The following ADAMTS8 variants were observed in gnomAD, a reference collection of about 807,000 sequenced individuals.
The protein encoded by ADAMTS8 is A disintegrin and metalloproteinase with thrombospondin motifs 8.
Under a neutral mutation model 64.4 loss-of-function variants are expected in ADAMTS8, and 50 were observed. The observed-to-expected ratio is 0.78, with a 90% CI of 0.62 to 0.98. The LOEUF (loss-of-function observed/expected upper bound fraction) is 0.98. Ranked by LOEUF, ADAMTS8 falls within the 50% of genes least tolerant of loss-of-function variation. The pLI is 0.00. For missense variants in ADAMTS8, 1,192 were observed against 1,208.2 expected (o/e 0.99, Z 0.20); for synonymous variants, 556 against 533.6 (o/e 1.04, Z -0.58).
Position 130,411,775 on chromosome 11 carries a change from G to T in ADAMTS8, c.1567-175C>A. 1 of 669,196 alleles carries T rather than the reference G, an allele frequency of 1.5e-6. No individual in the cohort carries two copies. The highest frequency in any genetic ancestry group is 4.1e-4 in the Middle Eastern group (1 of 2,448). The allele number at this position is 669,196 out of a possible 1,614,324, so 41.5% of individuals were successfully genotyped here. A position where few individuals can be genotyped will look rare whatever the true frequency, so the allele number is the denominator to read the frequency against. ...ATGACTGTGTGGCCTGCATGGCTTT[G>T]TGAGCACAGAGACCAGGCTGGACTC... On this transcript the variant is annotated intron_variant, in intron 5 of 8. Transcript: ENST00000257359. This position sits in a 1 kb window ranked among gnomAD's most constrained non-coding sequence, Gnocchi z 4.2.
intron 2 of ADAMTS8, 121 bp downstream of exon 2, chr11:130,418,932 G>T: frequency 6.7e-7 from 1 of 1,488,558 alleles, no homozygotes; most frequent in Non-Finnish European, 9.1e-7. Context: ...ATGAGGCTCT[G>T]GCGTCCAGCT....
chr11:130,419,889 G>A (rs566918502), intron 1 of ADAMTS8, among the ~76,000 whole-genome samples: 1 of 152,150 alleles, frequency 6.6e-6, no homozygotes, highest in East Asian at 1.9e-4. Context: ...TACTCTTTGG[G>A]GGGGGATTTG....
At chr11:130,419,796 G>T (rs1265387408) in intron 1 of ADAMTS8, among the ~76,000 whole-genome samples, 3 of 152,150 alleles carry the variant, frequency 2.0e-5, no homozygotes, top group Non-Finnish European at 4.4e-5. Context: ...CAGCCCAGAA[G>T]CAAAGTTCTG....
At chr11:130,423,871 C>T (rs1279220196) in intron 1 of ADAMTS8, among the ~76,000 whole-genome samples, 2 of 152,220 alleles carry the variant, frequency 1.3e-5, no homozygotes, top group Admixed American at 1.3e-4. Context: ...GTGGTCCCTC[C>T]TTTCAGAAAG....
Position 130,428,500 on chromosome 11 carries a change from C to T in ADAMTS8, c.-214G>A. 2 of 964,140 alleles carry T rather than the reference C, an allele frequency of 2.1e-6. No homozygotes were observed. Among genetic ancestry groups the T allele is most frequent in the Non-Finnish European group, 2.5e-6 (2 of 810,406 alleles). The allele number at this position is 964,140 out of a possible 1,614,324, so 59.7% of individuals were successfully genotyped here. A position where few individuals can be genotyped will look rare whatever the true frequency, so the allele number is the denominator to read the frequency against. ...CCCGCTCCTCCCGCGCCGCCGCCCC[C>T]GAGCCGAGCGCGAGCAGCTGGCCCC... On this transcript the variant is annotated 5_prime_UTR_variant, in exon 1 of 9. Coordinates refer to ENST00000257359, the MANE Select transcript of ADAMTS8 (RefSeq NM_007037.6).
Position 130,414,758 on chromosome 11 carries a change from G to A in ADAMTS8, c.1339C>T (p.Gln447Ter). Residue 447 changes from glutamine (Q) to a stop codon, truncating the protein, a stop_gained, in exon 5 of 9, where the codon CAG becomes TAG. Transcript: ENST00000257359. LOFTEE classifies it high-confidence loss of function. Reference protein sequence around the residue: ...TGLPGRMALYQLDQQCRQIFG... With the variant: ...TGLPGRMALY The stretch of plus-strand genomic sequence containing the variant: ...ATCTGCCTGCACTGCTGGTCCAGCT[G>A]GTACAGGGCCATGCGGCCCGGGAGG... 1 of 1,613,538 alleles carries A rather than the reference G, an allele frequency of 6.2e-7. No individual in the cohort carries two copies. The highest frequency in any genetic ancestry group is 8.5e-7 in the Non-Finnish European group (1 of 1,180,032).
chr11:130,413,468 C>A (rs1459858847), intron 5 of ADAMTS8, among the ~76,000 whole-genome samples: 5 of 152,192 alleles, frequency 3.3e-5, no homozygotes, highest in African/African-American at 1.2e-4. Flanking sequence ...TTGGGCCACC[C>A]TGGCGATTCA....
At chr11:130,425,630 T>C (rs1339629165) in intron 1 of ADAMTS8, among the ~76,000 whole-genome samples, 2 of 151,066 alleles carry the variant, frequency 1.3e-5, no homozygotes, top group African/African-American at 2.4e-5. Flanking sequence ...AGATGGAGTC[T>C]TGCTCTGTCA....
At chr11:130,420,069 A>C (rs2134687585) in intron 1 of ADAMTS8, among the ~76,000 whole-genome samples, 1 of 152,326 alleles carries the variant, frequency 6.6e-6, no homozygotes, top group Middle Eastern at 3.4e-3. Context: ...TATTGAAACC[A>C]GGAGGCCAGC....
intron 8 of ADAMTS8, among the ~76,000 whole-genome samples, chr11:130,406,970 T>C (rs73042984): frequency 0.057 from 8,693 of 152,242 alleles, 358 homozygotes; most frequent in Non-Finnish European, 0.088. Context: ...TCTTAGAGTG[T>C]CCACAGGCCC....
intron 1 of ADAMTS8, among the ~76,000 whole-genome samples, chr11:130,422,496 G>A (rs1181853543): frequency 6.6e-6 from 1 of 152,136 alleles, no homozygotes; most frequent in African/African-American, 2.4e-5. Context: ...CCCTTGCGGC[G>A]CGCCTGGGGG....
rs769863804 is a variant in ADAMTS8 at position 130,419,201 on chromosome 11, A to G, written c.812T>C (p.Leu271Pro). ...NSINLMVVKVLIVEDEKWGPE... is the reference protein window; with the variant it reads ...NSINLMVVKVPIVEDEKWGPE... ...GCCCCATTTTTCATCTTCTACGATC[A>G]GCACTTTTACCACCATCAGGTTGAT... The change falls in exon 2 of 9, where the codon CTG becomes CCG. Residue 271 changes from leucine to proline, a missense_variant. By Grantham distance (98) the Leu-to-Pro change is moderately conservative. Transcript: ENST00000257359. 2.5e-6 allele frequency: 4 copies of G among 1,614,180 alleles called. No individual in the cohort carries two copies. In the South Asian group the frequency reaches 4.4e-5, roughly 18 times the overall value.
Position 130,405,636 on chromosome 11 carries a change from G to GC in ADAMTS8, c.2591dup (p.Gln865ProfsTer52). On this transcript the variant is annotated frameshift_variant, in exon 9 of 9. Transcript: ENST00000257359. LOFTEE classifies it low-confidence loss of function (END_TRUNC). ...CCTTGTTGCAGGTGGCAGAGGCCTGGCCGGAGGGGTCCCTGCACTCTACAG... is the reference window on the plus strand; with the variant it reads ...CCTTGTTGCAGGTGGCAGAGGCCTGGCCCGGAGGGGTCCCTGCACTCTACAG... 1 of 1,614,010 alleles carries GC rather than the reference G, an allele frequency of 6.2e-7. No individual in the cohort carries two copies. Among genetic ancestry groups the GC allele is most frequent in the Non-Finnish European group, 8.5e-7 (1 of 1,179,970 alleles).
rs1449272539 is a variant in ADAMTS8, at chr11:130,417,015, A to T, written c.1021T>A (p.Cys341Ser). 2 of 1,613,924 alleles carry T rather than the reference A, an allele frequency of 1.2e-6. No individual in the cohort carries two copies. The highest frequency in any genetic ancestry group is 2.7e-5 in the African/African-American group (2 of 74,896). The change falls in exon 3 of 9, where the codon TGT (cysteine) becomes AGT (serine). Residue 341 changes from cysteine (C) to serine (S), a missense_variant. Transcript: ENST00000257359. ...ACGGAGCAGCTTTTGTTGGGGTCACAAATGGTCCCGATGTCTGCCACACCC... is the reference window on the plus strand; with the variant it reads ...ACGGAGCAGCTTTTGTTGGGGTCACTAATGGTCCCGATGTCTGCCACACCC... ...TLGVADIGTI[C>S]DPNKSCSVIE...
chr11:130,414,692 G>T lies in ADAMTS8; in HGVS notation c.1405C>A (p.Gln469Lys). 1.2e-6 allele frequency: 2 copies of T among 1,613,872 alleles called. No homozygotes were observed. Among genetic ancestry groups the T allele is most frequent in the Middle Eastern group, 1.6e-4 (1 of 6,062 alleles). ...DFRHCPNTSAQDVCAQLWCHT... is the reference protein window; with the variant it reads ...DFRHCPNTSAKDVCAQLWCHT... ...CACCAAAGCTGGGCGCAGACGTCCT[G>T]AGCAGAGGTGTTGGGGCAGTGGCGG... Residue 469 changes from glutamine (Q) to lysine (K), a missense_variant, in exon 5 of 9, where the codon CAG (glutamine) becomes AAG (lysine). By Grantham distance (53) the Gln-to-Lys change is moderately conservative (BLOSUM62 1). This residue lies in a region of ADAMTS8 where 741 missense variants were observed against 710.6 expected (regional missense o/e 1.04). Coordinates refer to ENST00000257359, the MANE Select transcript of ADAMTS8 (RefSeq NM_007037.6).
chr11:130,412,834 C>G (rs1020755126), intron 5 of ADAMTS8, among the ~76,000 whole-genome samples: 18 of 152,068 alleles, frequency 1.2e-4, no homozygotes, highest in African/African-American at 4.3e-4. Context: ...TTCTTTCTGT[C>G]TTTCTCACTT....
rs746184522 is a variant in ADAMTS8 at position 130,411,548 on chromosome 11, C to T, written c.1619G>A (p.Arg540Gln). The change falls in exon 6 of 9, where the codon CGG (arginine) becomes CAG (glutamine). Residue 540 changes from arginine to glutamine, a missense_variant. Around this residue, in one of 5 missense-constraint regions of ADAMTS8, gnomAD observed 290 missense variants for 297.8 expected, o/e 0.97. Transcript: ENST00000257359. The surrounding 1 kb of genome is among the most constrained non-coding windows in gnomAD (Gnocchi z 4.2). ...AAACTGTACTCCTCCTCCACAGGTC[C>T]GAGAACATTCTCCCCAGGGTCCCCA... ...APWGPWGECSRTCGGGVQFSH... is the reference protein window; with the variant it reads ...APWGPWGECSQTCGGGVQFSH... 40 of 1,614,030 alleles carry T rather than the reference C, an allele frequency of 2.5e-5. No homozygotes were observed. The highest frequency in any genetic ancestry group is 8.8e-5 in the South Asian group (8 of 91,084).
chr11:130,427,477 C>CAA, intron 1 of ADAMTS8, 90 bp downstream of exon 1: 19 of 339,846 alleles, frequency 5.6e-5, no homozygotes, highest in Non-Finnish European at 8.8e-5. Context: ...TTTTTTTTCT[C>CAA]AGAGGGATTG....
At chr11:130,422,646 C>T (rs961391430) in intron 1 of ADAMTS8, among the ~76,000 whole-genome samples, 6 of 152,208 alleles carry the variant, frequency 3.9e-5, no homozygotes, top group Non-Finnish European at 2.9e-5. Context: ...GAGAAAAGAG[C>T]AACCTGCATC....
Sources: gnomAD v4.1 joint callset for allele counts (sites outside exome capture counted in the v4.1 genomes callset) on GRCh38, gnomAD v4.1.1 for gene constraint, gnomAD v4.1.1 regional missense constraint, Gnocchi (gnomAD v3.1) non-coding constraint, MANE v1.5 for transcripts, NCBI Gene and HGNC (gene_info 2026-07-23, HGNC 2026-07-21) for gene names.